PRKN: variants seen among roughly 807,000 people sequenced by gnomAD.
PRKN encodes E3 ubiquitin-protein ligase parkin.
A neutral mutation model predicts 59.5 loss-of-function variants in PRKN; 56 were observed. The ratio of observed to expected loss-of-function variants is 0.94; its 90% CI spans 0.76 to 1.18. The LOEUF is 1.18. Among genes scored for constraint, PRKN ranks in the 50% most tolerant of loss-of-function variants. The probability of loss-of-function intolerance (pLI) is 0.00; values close to 1 mark genes in which losing one functional copy is unlikely to be tolerated. For missense variants in PRKN, 657 were observed against 596.4 expected, an observed-to-expected ratio of 1.10 and a Z score of -1.06; for synonymous variants, 250 against 222.1, an observed-to-expected ratio of 1.13 and a Z score of -1.12.
intron 1 of PRKN, among the ~76,000 whole-genome samples, chr6:162,498,447 T>A (rs1267913208): frequency 8.7e-6 from 1 of 114,492 alleles, no homozygotes; most frequent in African/African-American, 3.3e-5. Flanking sequence ...TTCTTTTTTT[T>A]TTTTTTTTTT....
chr6:161,978,614 A>G (rs956070574), intron 5 of PRKN, among the ~76,000 whole-genome samples: 7 of 152,038 alleles, frequency 4.6e-5, no homozygotes, highest in African/African-American at 1.7e-4. Context: ...TTAAAAAATT[A>G]AAAAAGTCAA....
At chr6:162,519,910 C>A (rs542754709) in intron 1 of PRKN, among the ~76,000 whole-genome samples, 1 of 151,992 alleles carries the variant, frequency 6.6e-6, no homozygotes, top group Admixed American at 6.6e-5. Context: ...TTCTGTGAAT[C>A]AATAAAATAA....
intron 6 of PRKN, among the ~76,000 whole-genome samples, chr6:161,939,120 A>G (rs1055675425): frequency 1.3e-5 from 2 of 152,152 alleles, no homozygotes; most frequent in Admixed American, 6.6e-5. Flanking sequence ...CAGAAGCTGG[A>G]TAGAAAAAAT....
At chr6:162,185,868 C>A (rs1446306320) in intron 4 of PRKN, among the ~76,000 whole-genome samples, 3 of 152,086 alleles carry the variant, frequency 2.0e-5, no homozygotes, top group African/African-American at 7.2e-5. Context: ...GCCTTAGGGA[C>A]TCTACGGAGC....
At chr6:161,656,441 C>T (rs1784355067) in intron 7 of PRKN, among the ~76,000 whole-genome samples, 5 of 152,176 alleles carry the variant, frequency 3.3e-5, no homozygotes. Flanking sequence ...ACCAGTCTTC[C>T]TAAGCTAACC....
intron 1 of PRKN, among the ~76,000 whole-genome samples, chr6:162,722,850 G>C (rs761847686): frequency 9.9e-5 from 15 of 152,088 alleles, no homozygotes; most frequent in Non-Finnish European, 1.5e-4. Flanking sequence ...AAAGGGCAAA[G>C]GGTCATTTTA....
chr6:161,727,946 T>C (rs548798063), intron 7 of PRKN, among the ~76,000 whole-genome samples: 1 of 152,276 alleles, frequency 6.6e-6, no homozygotes, highest in South Asian at 2.1e-4. Context: ...GAACATATCA[T>C]CTTATTAAAA....
At chr6:161,666,730 C>T (rs372140318) in intron 7 of PRKN, among the ~76,000 whole-genome samples, 1 of 152,314 alleles carries the variant, frequency 6.6e-6, no homozygotes, top group East Asian at 1.9e-4. Flanking sequence ...CCCTCACTGT[C>T]CTGAATGATA....
At position 162,034,184 on chromosome 6, in the gene PRKN, TATAGAG is replaced by T. The variant is rs1336957534; in HGVS notation, c.618+19901_618+19906del. Among the ~76,000 whole-genome samples the T allele has an allele frequency of 4.6e-3, 560 of 122,792 alleles. 2 individuals carry two copies. Among genetic ancestry groups the T allele is most frequent in the African/African-American group, 0.016 (490 of 29,766 alleles). 80.6% of individuals were successfully genotyped at this position (122,792 alleles called of 152,430 possible). A position where few individuals can be genotyped will look rare whatever the true frequency, so the allele number is the denominator to read the frequency against. On this transcript the variant is annotated intron_variant, in intron 5 of 11. Transcript: ENST00000366898. Reference sequence around the variant, plus strand: ...GTACACATACATATATATATATATATATAGAGAGAGAGAGAGAGAGAGAGAGAGAGA... The same window carrying T: ...GTACACATACATATATATATATATATAGAGAGAGAGAGAGAGAGAGAGAGA...
At chr6:161,602,104 T>TTATCTATCTATCTATCTATC (rs75473524) in intron 7 of PRKN, among the ~76,000 whole-genome samples, 2,047 of 150,520 alleles carry the variant, frequency 0.014, 35 homozygotes, top group African/African-American at 0.041. Context: ...TTAGGGGAGA[T>TTATCTATCTATCTATCTATC]TATCTATCTA....
chr6:162,451,367 T>TAAAAAAA (rs140082933), intron 1 of PRKN, among the ~76,000 whole-genome samples: 33 of 104,718 alleles, frequency 3.2e-4, no homozygotes, highest in African/African-American at 1.1e-3. Context: ...CTTAAAGGAG[T>TAAAAAAA]AAAAAAAAAA....
At chr6:162,330,499 T>TA (rs1783521323) in intron 2 of PRKN, among the ~76,000 whole-genome samples, 1 of 152,212 alleles carries the variant, frequency 6.6e-6, no homozygotes, top group African/African-American at 2.4e-5. Context: ...ATTCCAACTA[T>TA]AAAGGCTGAA....
chr6:162,007,779 T>TA (rs1168765416), intron 5 of PRKN, among the ~76,000 whole-genome samples: 3 of 152,166 alleles, frequency 2.0e-5, no homozygotes, highest in Admixed American at 1.3e-4. Context: ...AATTCGAATT[T>TA]ATAGCTATCC....
At chr6:162,658,708 A>AAGAAAG (rs1778762493) in intron 1 of PRKN, among the ~76,000 whole-genome samples, 3 of 151,202 alleles carry the variant, frequency 2.0e-5, no homozygotes, top group Non-Finnish European at 2.9e-5. Flanking sequence ...GAAAAAGAAA[A>AAGAAAG]CAAAAGAAAA....
At chr6:162,442,735 A>G (rs1427696091) in intron 2 of PRKN, among the ~76,000 whole-genome samples, 1 of 152,132 alleles carries the variant, frequency 6.6e-6, no homozygotes, top group African/African-American at 2.4e-5. Context: ...GCAAAGGTAT[A>G]CTGTTGTTGT....
intron 9 of PRKN, among the ~76,000 whole-genome samples, chr6:161,394,227 T>C (rs564228155): frequency 6.6e-6 from 1 of 152,322 alleles, no homozygotes; most frequent in South Asian, 2.1e-4. Context: ...CAGACTCTCA[T>C]GGTGTGAGGC....
intron 5 of PRKN, among the ~76,000 whole-genome samples, chr6:162,010,935 T>A (rs1344375386): frequency 4.8e-5 from 1 of 20,734 alleles, no homozygotes; most frequent in African/African-American, 3.0e-4. Flanking sequence ...TATAATATAA[T>A]ATATAATATA....
chr6:162,619,713 C>A (rs1462028948), intron 1 of PRKN, among the ~76,000 whole-genome samples: 4 of 15,120 alleles, frequency 2.6e-4, no homozygotes, highest in Non-Finnish European at 7.1e-4. Context: ...TTTCCACTCA[C>A]ACACACACAC....
intron 2 of PRKN, among the ~76,000 whole-genome samples, chr6:162,401,543 T>C (rs1284835785): frequency 1.3e-5 from 2 of 152,150 alleles, no homozygotes; most frequent in African/African-American, 2.4e-5. Context: ...ATGTAATTTA[T>C]TGAATACTGA....
Sources: gnomAD v4.1 joint callset for allele counts (sites outside exome capture counted in the v4.1 genomes callset) on GRCh38, gnomAD v4.1.1 for gene constraint, MANE v1.5 for transcripts, NCBI Gene and HGNC (gene_info 2026-07-23, HGNC 2026-07-21) for gene names.